Variants in DOCK1 observed in about 807,000 individuals in gnomAD.
The protein encoded by DOCK1 is dedicator of cytokinesis 1.
In DOCK1, 138 loss-of-function variants were observed where a neutral mutation model predicts 262.7. That is an observed-to-expected ratio of 0.53 (90% CI 0.46 to 0.61). The LOEUF (loss-of-function observed/expected upper bound fraction) is 0.61, where lower values mean the gene tolerates loss of function less well. Among genes scored for constraint, DOCK1 ranks in the 20% least tolerant of loss-of-function variants. The pLI, the probability that DOCK1 is intolerant of heterozygous loss-of-function variation, is 0.00. For missense variants in DOCK1, 1,908 were observed against 2,370.7 expected (o/e 0.80, Z 4.05); for synonymous variants, 866 against 867.4 (o/e 1.00, Z 0.03).
At position 127,175,058 on chromosome 10, in the gene DOCK1, C is replaced by A. The variant is rs2054955113; in HGVS notation, c.2847+47294C>A. Among the ~76,000 whole-genome samples, 1 of 152,174 alleles carries A rather than the reference C, an allele frequency of 6.6e-6. No homozygotes were observed. Reference sequence around the variant, plus strand: ...GTGACGTCTAGTATCATAAAATAATCTGCGACCCCTTGGAGCTCGCCACGC... The same window carrying A: ...GTGACGTCTAGTATCATAAAATAATATGCGACCCCTTGGAGCTCGCCACGC... On this transcript the variant is annotated intron_variant, in intron 27 of 51. Transcript: ENST00000623213. The surrounding 1 kb of genome is among the most constrained non-coding windows in gnomAD (Gnocchi z 6.3).
chr10:127,386,589 G>A (rs1391741361), intron 38 of DOCK1, among the ~76,000 whole-genome samples: 1 of 151,568 alleles, frequency 6.6e-6, no homozygotes, highest in African/African-American at 2.4e-5. Context: ...CTGATGATCT[G>A]TCACTGTCTC....
intron 25 of DOCK1, among the ~76,000 whole-genome samples, chr10:127,118,583 A>G (rs1416893697): frequency 3.9e-5 from 6 of 152,204 alleles, no homozygotes; most frequent in African/African-American, 1.4e-4. Flanking sequence ...CTGTTGTTCA[A>G]TAGTCCACGT....
chr10:126,981,850 T>C, intron 3 of DOCK1, 68 bp from the exon 4 acceptor site: 1 of 1,524,142 alleles, frequency 6.6e-7, no homozygotes, highest in East Asian at 2.3e-5. Context: ...TTTTGGGAAC[T>C]ATTGTTTGAT....
intron 29 of DOCK1, among the ~76,000 whole-genome samples, chr10:127,331,385 G>A (rs187727787): frequency 4.1e-4 from 62 of 152,258 alleles, no homozygotes; most frequent in African/African-American, 1.4e-3. Flanking sequence ...AGGTTCAAGC[G>A]ATTCTCCTGC....
chr10:127,392,054 C>G (rs2066510513), intron 38 of DOCK1, among the ~76,000 whole-genome samples: 1 of 90,418 alleles, frequency 1.1e-5, no homozygotes, highest in Admixed American at 9.4e-5. Flanking sequence ...AACATGCCCT[C>G]TGTTCCCCAA....
intron 27 of DOCK1, among the ~76,000 whole-genome samples, chr10:127,185,030 G>A (rs529806537): frequency 1.3e-5 from 2 of 152,198 alleles, no homozygotes; most frequent in Non-Finnish European, 2.9e-5. Context: ...GACCATGTAA[G>A]AGGAGGGAAG....
intron 10 of DOCK1, among the ~76,000 whole-genome samples, chr10:127,004,239 C>CA (rs566053855): frequency 1.4e-3 from 170 of 117,386 alleles, no homozygotes; most frequent in South Asian, 4.5e-3. Context: ...GACTCCATCT[C>CA]AAAAAAAAAA....
At chr10:127,247,916 A>G in intron 27 of DOCK1, 92 bp from the exon 28 acceptor site, 2 of 1,254,742 alleles carry the variant, frequency 1.6e-6, no homozygotes, top group Non-Finnish European at 2.3e-6. Context: ...CTTCTCCCTG[A>G]CAGTTTCAAG....
At chr10:126,908,913 T>C (rs1435522281) in intron 1 of DOCK1, among the ~76,000 whole-genome samples, 2 of 152,218 alleles carry the variant, frequency 1.3e-5, no homozygotes, top group African/African-American at 4.8e-5. Flanking sequence ...GAATCACACG[T>C]GAGGACCATG....
rs947559623 is a variant in DOCK1, at chr10:127,354,553, A to T, written c.3225-116A>T. 3 of 1,154,372 alleles carry T rather than the reference A, an allele frequency of 2.6e-6. No individual in the cohort carries two copies. The Admixed American group carries it at 6.7e-5, about 26-fold the overall frequency. The allele number at this position is 1,154,372 out of a possible 1,614,324, so 71.5% of individuals were successfully genotyped here. A position where few individuals can be genotyped will look rare whatever the true frequency, so the allele number is the denominator to read the frequency against. ...TGGCAAGAGAAGTTGAAGCTTTGAC[A>T]CTCTCTTTATTTGCCTCAGTGCTAG... On this transcript the variant is annotated intron_variant, in intron 31 of 51. Transcript: ENST00000623213.
intron 27 of DOCK1, chr10:127,137,518 C>T (rs1014773037): frequency 8.1e-6 from 2 of 247,128 alleles, no homozygotes. Context: ...CCTGCCATCT[C>T]GCAGGTTGAT....
chr10:126,977,707 C>T (rs192634141), intron 2 of DOCK1, among the ~76,000 whole-genome samples: 66 of 152,246 alleles, frequency 4.3e-4, no homozygotes, highest in African/African-American at 1.3e-3. Context: ...CATGAGATGA[C>T]GGAGGTGAAG....
At chr10:127,110,103 A>G in intron 24 of DOCK1, 145 bp from the exon 25 acceptor site, 1 of 651,876 alleles carries the variant, frequency 1.5e-6, no homozygotes, top group East Asian at 2.8e-5. Context: ...GGAATGAGTT[A>G]TTGACCCCAT....
Position 127,058,846 on chromosome 10 carries a change from A to G in DOCK1, c.2337-2822A>G, listed in dbSNP as rs796104665. 7.6e-4 allele frequency among the ~76,000 whole-genome samples: 115 copies of G among 152,164 alleles called. 3 individuals are homozygous for G. The highest frequency in any genetic ancestry group is 2.7e-3 in the African/African-American group (111 of 41,556). ...TGTTTTATATTATTATTGTATTTCA[A>G]TTCTATGTTTTATATTCCATAAGAC... On this transcript the variant is annotated intron_variant, in intron 22 of 51. Coordinates refer to ENST00000623213, the MANE Select transcript of DOCK1 (RefSeq NM_001290223.2).
At chr10:126,984,783 A>T (rs1354396940) in intron 4 of DOCK1, among the ~76,000 whole-genome samples, 2 of 152,122 alleles carry the variant, frequency 1.3e-5, no homozygotes. Flanking sequence ...TGTGTGCATT[A>T]CCTTACATAC....
chr10:127,092,809 A>C (rs1309228742), intron 23 of DOCK1, among the ~76,000 whole-genome samples: 2 of 152,176 alleles, frequency 1.3e-5, no homozygotes, highest in Non-Finnish European at 2.9e-5. Flanking sequence ...ACAATTTACA[A>C]AGGTATTGGT....
intron 25 of DOCK1, among the ~76,000 whole-genome samples, chr10:127,121,067 G>T (rs1214237700): frequency 6.6e-6 from 1 of 152,088 alleles, no homozygotes; most frequent in African/African-American, 2.4e-5. Context: ...GAGCCAGCAG[G>T]GGGGATTGCA....
intron 1 of DOCK1, among the ~76,000 whole-genome samples, chr10:126,929,441 T>C (rs2034018836): frequency 6.6e-6 from 1 of 151,932 alleles, no homozygotes; most frequent in African/African-American, 2.4e-5. Context: ...AGCTTCAGAG[T>C]GTTTGCTGTT....
At chr10:126,984,934 C>T (rs2039258284) in intron 4 of DOCK1, among the ~76,000 whole-genome samples, 1 of 150,592 alleles carries the variant, frequency 6.6e-6, no homozygotes. Flanking sequence ...AACTCGGTGT[C>T]CCTTTGACCC....
Sources: gnomAD v4.1 joint callset for allele counts (sites outside exome capture counted in the v4.1 genomes callset) on GRCh38, gnomAD v4.1.1 for gene constraint, Gnocchi (gnomAD v3.1) non-coding constraint, MANE v1.5 for transcripts, NCBI Gene and HGNC (gene_info 2026-07-23, HGNC 2026-07-21) for gene names.